The following CEACAM3 variants were observed in gnomAD, a reference collection of about 807,000 sequenced individuals.
CEACAM3 encodes the protein cell adhesion molecule CEACAM3.
CEACAM3 carries 32 observed loss-of-function variants against 30.1 expected under a neutral mutation model. That is an observed-to-expected ratio of 1.06 (90% CI 0.80 to 1.43). The LOEUF (loss-of-function observed/expected upper bound fraction) is 1.43, where lower values mean the gene tolerates loss of function less well. Ranked by LOEUF, CEACAM3 falls within the 40% of genes most tolerant of loss-of-function variation. The pLI is 0.00. For missense variants in CEACAM3, 290 were observed against 316.3 expected, an observed-to-expected ratio of 0.92 and a Z score of 0.63; for synonymous variants, 134 against 127.2, an observed-to-expected ratio of 1.05 and a Z score of -0.36.
chr19:41,796,833 G>A (rs1318592324), intron 1 of CEACAM3, 92 bp downstream of exon 1: 2 of 1,360,382 alleles, frequency 1.5e-6, no homozygotes, highest in Non-Finnish European at 2.0e-6. Flanking sequence ...ATAGGGGACA[G>A]AAGGCTTCTG....
At chr19:41,803,475 T>TTTG (rs1568740552) in intron 2 of CEACAM3, among the ~76,000 whole-genome samples, 31 of 145,476 alleles carry the variant, frequency 2.1e-4, no homozygotes, top group Non-Finnish European at 2.3e-4. Flanking sequence ...TGTTTGTTTT[T>TTTG]TTTTTTTTTG....
Position 41,797,583 on chromosome 19 carries a change from T to G in CEACAM3, c.65-6T>G. ...CCAATATTGACTGATGCTTTCTCCC[T>G]CCTAGCCTCACTTCTAAACTTCTGG... On this transcript the variant is annotated splice_polypyrimidine_tract_variant and splice_region_variant and intron_variant, in intron 1 of 6. Transcript: ENST00000357396. 1 of 1,611,214 alleles carries G rather than the reference T, an allele frequency of 6.2e-7. No homozygotes were observed. The highest frequency in any genetic ancestry group is 8.5e-7 in the Non-Finnish European group (1 of 1,178,212).
chr19:41,810,930 A>G, intron 6 of CEACAM3, 33 bp downstream of exon 6: 1 of 1,586,694 alleles, frequency 6.3e-7, no homozygotes, highest in Non-Finnish European at 8.6e-7. Context: ...CTGGTCCCAC[A>G]GGCCCCAGGG....
At position 41,811,344 on chromosome 19, in the gene CEACAM3, C is replaced by A; in HGVS notation, c.*107C>A. The A allele has an allele frequency of 1.1e-6, 1 of 948,602 alleles. No individual in the cohort carries two copies. Among genetic ancestry groups the A allele is most frequent in the Non-Finnish European group, 1.7e-6 (1 of 596,230 alleles). 58.8% of individuals were successfully genotyped at this position (948,602 alleles called of 1,614,324 possible). On this transcript the variant is annotated 3_prime_UTR_variant, in exon 7 of 7. Transcript: ENST00000357396. ...TGAGCCAGAGAACCAGCTATAAGTC[C>A]TGAGAAGACACTGGTGTCTGGGGGC...
At position 41,808,786 on chromosome 19, in the gene CEACAM3, A is replaced by G. The variant is rs542508542; in HGVS notation, c.425-27A>G. ...TCCTCTGGGATAGACTTGGGCCTCT[A>G]TCCCCTTTGCCTTCTTCTTTCTGCA... On this transcript the variant is annotated intron_variant, in intron 2 of 6. Coordinates refer to ENST00000357396, the MANE Select transcript of CEACAM3 (RefSeq NM_001815.5). 1.3e-5 allele frequency: 21 copies of G among 1,588,140 alleles called. No individual in the cohort carries two copies. The East Asian group carries it at 4.5e-4, about 34-fold the overall frequency.
intron 3 of CEACAM3, chr19:41,809,429 T>A (rs189162933): frequency 6.2e-6 from 1 of 162,174 alleles, no homozygotes; most frequent in African/African-American, 2.4e-5. Flanking sequence ...AGGTGTGAGA[T>A]GGGAGAACCT....
intron 3 of CEACAM3, 120 bp downstream of exon 3, chr19:41,809,050 C>A: frequency 1.4e-6 from 1 of 708,186 alleles, no homozygotes; most frequent in East Asian, 2.9e-5. Context: ...CCCCAGGGAT[C>A]CTTCCCTCTT....
Position 41,797,545 on chromosome 19 carries a change from C to A in CEACAM3, c.65-44C>A, listed in dbSNP as rs1395951310. On this transcript the variant is annotated intron_variant, in intron 1 of 6. Transcript: ENST00000357396. ...GACCCAGGGCCCCATCTTTCCATCCCAATACATGGGTCCCAATATTGACTG... is the reference window on the plus strand; with the variant it reads ...GACCCAGGGCCCCATCTTTCCATCCAAATACATGGGTCCCAATATTGACTG... The A allele has an allele frequency of 5.7e-6, 9 of 1,579,112 alleles. No homozygotes were observed. In the Admixed American group the frequency reaches 1.4e-4, roughly 25 times the overall value.
intron 2 of CEACAM3, among the ~76,000 whole-genome samples, chr19:41,799,374 C>T (rs2073128743): frequency 1.3e-5 from 2 of 152,178 alleles, no homozygotes; most frequent in South Asian, 4.1e-4. Flanking sequence ...CCCCCTTCTC[C>T]TTCCACCATG....
chr19:41,807,048 A>C (rs1555826851), intron 2 of CEACAM3: 1 of 1,604,770 alleles, frequency 6.2e-7, no homozygotes, highest in East Asian at 2.2e-5. Flanking sequence ...TTCTGATTAA[A>C]ATATGCCTGT....
In CEACAM3 at chr19:41,807,213, G is replaced by C. The variant is rs781928144; in HGVS notation, c.425-1600G>C. ...GAACCTGAGATTCACAGCACAACCT[G>C]CCTGTAGTGGGTAAATGGTCAGAGC... On this transcript the variant is annotated intron_variant, in intron 2 of 6. Coordinates refer to ENST00000357396, the MANE Select transcript of CEACAM3 (RefSeq NM_001815.5). 4 of 745,272 alleles carry C rather than the reference G, an allele frequency of 5.4e-6. No individual in the cohort carries two copies. In the Admixed American group the frequency reaches 1.3e-4, roughly 24 times the overall value. 46.2% of individuals were successfully genotyped at this position (745,272 alleles called of 1,614,324 possible).
At chr19:41,810,107 G>A (rs2073237070) in intron 4 of CEACAM3, 90 bp downstream of exon 4, 3 of 1,412,778 alleles carry the variant, frequency 2.1e-6, no homozygotes, top group South Asian at 2.4e-5. Flanking sequence ...GGCAGACTCT[G>A]ATCCTTTCCC....
chr19:41,803,731 G>GTCA (rs2073175008), intron 2 of CEACAM3, among the ~76,000 whole-genome samples: 2 of 91,232 alleles, frequency 2.2e-5, no homozygotes, highest in Non-Finnish European at 3.0e-5. Flanking sequence ...CTCCAAAAGT[G>GTCA]CTGGGATTAC....
At chr19:41,809,850 CAGG>C in intron 3 of CEACAM3, 112 bp from the exon 4 acceptor site, 1 of 990,870 alleles carries the variant, frequency 1.0e-6, no homozygotes, top group Non-Finnish European at 1.6e-6. Flanking sequence ...CTGAGGGAGA[CAGG>C]AGGTCTCCAT....
intron 2 of CEACAM3, among the ~76,000 whole-genome samples, chr19:41,803,451 T>G (rs1324863998): frequency 2.7e-5 from 2 of 72,828 alleles, no homozygotes; most frequent in East Asian, 4.0e-4. Flanking sequence ...TGTGTGTGTG[T>G]GTGTGTGTTG....
intron 1 of CEACAM3, 101 bp downstream of exon 1, chr19:41,796,842 T>A: frequency 1.2e-5 from 15 of 1,234,116 alleles, no homozygotes; most frequent in Non-Finnish European, 1.6e-5. Context: ...AGAAGGCTTC[T>A]GCTGAAGCCT....
In CEACAM3 at chr19:41,802,905, T is replaced by C. The variant is rs547116048; in HGVS notation, c.424+4957T>C. Among the ~76,000 whole-genome samples the C allele has an allele frequency of 4.6e-5, 7 of 152,270 alleles. No homozygotes were observed. The East Asian group carries it at 1.4e-3, about 29-fold the overall frequency. On this transcript the variant is annotated intron_variant, in intron 2 of 6. Transcript: ENST00000357396. ...GGGCAAAAATACAGAGAGTCACTTATGAAGTTCACAGCCCAGGCTGCAGAC... is the reference window on the plus strand; with the variant it reads ...GGGCAAAAATACAGAGAGTCACTTACGAAGTTCACAGCCCAGGCTGCAGAC...
intron 2 of CEACAM3, among the ~76,000 whole-genome samples, chr19:41,807,799 C>A (rs935369652): frequency 4.6e-5 from 7 of 152,040 alleles, no homozygotes; most frequent in African/African-American, 1.7e-4. Flanking sequence ...CCCACCATTT[C>A]CCCCCCAGAC....
intron 2 of CEACAM3, among the ~76,000 whole-genome samples, chr19:41,798,904 C>G (rs1231105989): frequency 6.6e-6 from 1 of 152,154 alleles, no homozygotes; most frequent in African/African-American, 2.4e-5. Context: ...ACTAGGGTCA[C>G]ACAAGTCAAA....
Sources: allele counts gnomAD v4.1 joint callset (sites outside exome capture counted in the v4.1 genomes callset), GRCh38; gene constraint gnomAD v4.1.1; transcripts MANE v1.5; gene names NCBI Gene and HGNC (gene_info 2026-07-23, HGNC 2026-07-21).